CREBBP: variants seen among roughly 807,000 people sequenced by gnomAD.
CREBBP encodes CREB-binding protein.
In CREBBP, 19 loss-of-function variants were observed where a neutral mutation model predicts 265.0. That is an observed-to-expected ratio of 0.07 (90% CI 0.05 to 0.11). The LOEUF is 0.11. Ranked by LOEUF, CREBBP falls within the 10% of genes least tolerant of loss-of-function variation. CREBBP has a pLI of 1.00. For synonymous variants in CREBBP, 1,457 were observed against 1,223.7 expected (o/e 1.19, Z -3.98); for missense variants, 2,525 against 3,219.0 (o/e 0.78, Z 5.22).
chr16:3,826,915 T>G (rs969675557), intron 2 of CREBBP, among the ~76,000 whole-genome samples: 1 of 152,132 alleles, frequency 6.6e-6, no homozygotes, highest in Non-Finnish European at 1.5e-5. Context: ...AGGCTAACAA[T>G]AGGAAGTGCG....
rs2151304405 is a variant in CREBBP, at chr16:3,728,676, T to C, written c.6371A>G (p.Gln2124Arg). 6.2e-7 allele frequency: 1 copy of C among 1,613,814 alleles called. No individual in the cohort carries two copies. ...GMQPQPGLQS[Q>R]PGMQPQPGMH... ...GCCAGGCTGGGGTTGCATGCCGGGC[T>C]GGGACTGGAGGCCAGGCTGGGGCTG... Residue 2124 changes from glutamine (Q) to arginine (R), a missense_variant, in exon 31 of 31, where the codon CAG (glutamine) becomes CGG (arginine). Around this residue, in one of 19 missense-constraint regions of CREBBP, gnomAD observed 473 missense variants for 459.3 expected, o/e 1.03. Coordinates refer to ENST00000262367, the MANE Select transcript of CREBBP (RefSeq NM_004380.3). The surrounding 1 kb of genome is among the most constrained non-coding windows in gnomAD (Gnocchi z 8.7).
At chr16:3,757,399 C>T (rs2052612414) in intron 18 of CREBBP, 23 bp from the exon 19 acceptor site, 1 of 1,560,030 alleles carries the variant, frequency 6.4e-7, no homozygotes, top group Non-Finnish European at 8.8e-7. Context: ...AGGAGAAATA[C>T]TTTTATATAA....
At chr16:3,849,424 T>TGTGTGTGTGTGTGTGTGTGTG (rs1567360045) in intron 2 of CREBBP, among the ~76,000 whole-genome samples, 2 of 7,402 alleles carry the variant, frequency 2.7e-4, no homozygotes, top group Non-Finnish European at 2.1e-3. Context: ...TGTGTGTGTG[T>TGTGTGTGTGTGTGTGTGTGTG]GTGTGTGTGT....
chr16:3,833,875 G>A (rs893267119), intron 2 of CREBBP, among the ~76,000 whole-genome samples: 1 of 152,098 alleles, frequency 6.6e-6, no homozygotes, highest in African/African-American at 2.4e-5. Context: ...ATATGTGCAA[G>A]AAACACATCT....
intron 5 of CREBBP, among the ~76,000 whole-genome samples, chr16:3,783,642 C>G (rs1440416351): frequency 6.6e-6 from 1 of 152,150 alleles, no homozygotes; most frequent in African/African-American, 2.4e-5. Context: ...AGTGAGGCTT[C>G]GCAATTCTGC....
intron 2 of CREBBP, among the ~76,000 whole-genome samples, chr16:3,813,799 T>C (rs1027730790): frequency 1.3e-5 from 2 of 152,296 alleles, no homozygotes; most frequent in East Asian, 1.9e-4. Flanking sequence ...GTCAACCAAT[T>C]TGACAAACAA....
intron 2 of CREBBP, among the ~76,000 whole-genome samples, chr16:3,845,908 A>G (rs1157324347): frequency 9.0e-6 from 1 of 110,740 alleles, no homozygotes; most frequent in South Asian, 3.1e-4. Flanking sequence ...AAAAAAAAAA[A>G]GTCATGTAAT....
intron 21 of CREBBP, 55 bp downstream of exon 21, chr16:3,749,572 C>T (rs1031469214): frequency 4.7e-6 from 6 of 1,270,944 alleles, no homozygotes; most frequent in Non-Finnish European, 6.9e-6. Flanking sequence ...TAAGGAGTAA[C>T]TTTACCGATT....
At chr16:3,742,262 C>A (rs144107610) in intron 23 of CREBBP, 1 of 152,392 alleles carries the variant, frequency 6.6e-6, no homozygotes, top group Non-Finnish European at 1.5e-5. Context: ...GTGCACTCTG[C>A]GCAACCTTCC....
chr16:3,860,822 T>C (rs924173706), intron 1 of CREBBP, among the ~76,000 whole-genome samples: 4 of 151,992 alleles, frequency 2.6e-5, no homozygotes, highest in African/African-American at 9.7e-5. Flanking sequence ...GAGGCCACAC[T>C]ACGCTCTCGG....
intron 11 of CREBBP, among the ~76,000 whole-genome samples, chr16:3,776,565 A>G (rs1293458902): frequency 6.6e-6 from 1 of 151,948 alleles, no homozygotes; most frequent in East Asian, 1.9e-4. Flanking sequence ...TGCCGTCCCC[A>G]TTTCAGCCTC....
intron 2 of CREBBP, among the ~76,000 whole-genome samples, chr16:3,822,887 C>T (rs190182327): frequency 1.3e-5 from 2 of 152,254 alleles, no homozygotes; most frequent in East Asian, 3.9e-4. Flanking sequence ...CTGGCTCAGT[C>T]CGCTGCAGTC....
At chr16:3,818,038 C>G (rs2054070733) in intron 2 of CREBBP, among the ~76,000 whole-genome samples, 1 of 152,160 alleles carries the variant, frequency 6.6e-6, no homozygotes, top group South Asian at 2.1e-4. Flanking sequence ...GAGACATCAA[C>G]CACTCATAAG....
At chr16:3,837,228 T>C (rs1210556478) in intron 2 of CREBBP, among the ~76,000 whole-genome samples, 1 of 152,322 alleles carries the variant, frequency 6.6e-6, no homozygotes, top group African/African-American at 2.4e-5. Context: ...GTGATATTCA[T>C]GATCCTGACC....
chr16:3,775,778 C>T (rs1244085625), intron 11 of CREBBP, among the ~76,000 whole-genome samples: 1 of 152,172 alleles, frequency 6.6e-6, no homozygotes, highest in Non-Finnish European at 1.5e-5. Context: ...ACATCTATTC[C>T]AATATTCTGC....
At chr16:3,802,652 G>A (rs1338356062) in intron 3 of CREBBP, among the ~76,000 whole-genome samples, 2 of 152,022 alleles carry the variant, frequency 1.3e-5, no homozygotes, top group African/African-American at 4.8e-5. Flanking sequence ...CCAAGAGTAG[G>A]TTATCATGTC....
rs2141245506 is a variant in CREBBP at position 3,780,810 on chromosome 16, G to A, written c.1745C>T (p.Pro582Leu). ...GTLSTIPTAA[P>L]PSSTGVRKGW... ...TTTCCTTACACCGGTGCTAGAAGGA[G>A]GAGCTGCTGTTGGTATAGTGCTGAG... The change falls in exon 8 of 31, where the codon CCT becomes CTT. Residue 582 changes from proline to leucine, a missense_variant. Pro to Leu is a moderately conservative substitution (Grantham distance 98). Around this residue, in one of 19 missense-constraint regions of CREBBP, gnomAD observed 144 missense variants for 134.0 expected, o/e 1.07. Coordinates refer to ENST00000262367, the MANE Select transcript of CREBBP (RefSeq NM_004380.3). 1 of 1,614,042 alleles carries A rather than the reference G, an allele frequency of 6.2e-7. No individual in the cohort carries two copies. Among genetic ancestry groups the A allele is most frequent in the Non-Finnish European group, 8.5e-7 (1 of 1,180,042 alleles).
At chr16:3,794,156 T>C (rs1457877803) in intron 3 of CREBBP, among the ~76,000 whole-genome samples, 2 of 151,626 alleles carry the variant, frequency 1.3e-5, no homozygotes, top group Non-Finnish European at 2.9e-5. Context: ...TGAGACCTCA[T>C]CTCTACTAAA....
intron 5 of CREBBP, among the ~76,000 whole-genome samples, chr16:3,791,439 T>C (rs1367496264): frequency 6.6e-6 from 1 of 152,172 alleles, no homozygotes; most frequent in Non-Finnish European, 1.5e-5. Flanking sequence ...CGTTTAGTTA[T>C]ACAAAGAGTT....
Sources: allele counts gnomAD v4.1 joint callset (sites outside exome capture counted in the v4.1 genomes callset), GRCh38; gene constraint gnomAD v4.1.1; regional missense constraint gnomAD v4.1.1; non-coding constraint Gnocchi (gnomAD v3.1); transcripts MANE v1.5; gene names NCBI Gene and HGNC (gene_info 2026-07-23, HGNC 2026-07-21).